PLPP4: variants seen among roughly 807,000 people sequenced by gnomAD.
PLPP4 encodes diacylglycerol pyrophosphate like 2.
Under a neutral mutation model 32.2 loss-of-function variants are expected in PLPP4, and 20 were observed. The observed-to-expected ratio is 0.62, with a 90% CI of 0.44 to 0.90. PLPP4 has a LOEUF of 0.90. Ranked by LOEUF, PLPP4 falls within the 40% of genes least tolerant of loss-of-function variation. The probability of loss-of-function intolerance (pLI) is 0.00; values close to 1 mark genes in which losing one functional copy is unlikely to be tolerated. For missense variants in PLPP4, 257 were observed against 353.1 expected, an observed-to-expected ratio of 0.73 and a Z score of 2.18; for synonymous variants, 127 against 133.0, an observed-to-expected ratio of 0.95 and a Z score of 0.31.
At chr10:120,487,018 A>G (rs1380492274) in intron 1 of PLPP4, among the ~76,000 whole-genome samples, 4 of 152,276 alleles carry the variant, frequency 2.6e-5, no homozygotes, top group Non-Finnish European at 4.4e-5. Flanking sequence ...CATGCAAGTA[A>G]TTGCAGAATG....
At position 120,532,501 on chromosome 10, in the gene PLPP4, T is replaced by C. The variant is rs1589831998; in HGVS notation, c.445+11406T>C. Among the ~76,000 whole-genome samples, 3 of 152,292 alleles carry C rather than the reference T, an allele frequency of 2.0e-5. No individual in the cohort carries two copies. In the South Asian group the frequency reaches 6.2e-4, roughly 32 times the overall value. On this transcript the variant is annotated intron_variant, in intron 5 of 6. Coordinates refer to ENST00000398250, the MANE Select transcript of PLPP4 (RefSeq NM_001030059.3). ...CAATTCACCCATTTAAAATGGTTTA[T>C]GGTATATGTTTTTAGTATATTGTCT... is the stretch of plus-strand genomic sequence containing the variant.
rs561259148 is a variant in PLPP4, at chr10:120,590,504, A to G, written c.*1002A>G. Among the ~76,000 whole-genome samples the G allele has an allele frequency of 1.2e-4, 18 of 152,342 alleles. No individual in the cohort carries two copies. In the East Asian group the frequency reaches 3.3e-3, roughly 28 times the overall value. ...CCTATCTAGCTGGCAATATTTCAGC[A>G]TGATAGGACTCTGGTAGAAGGTACA... On this transcript the variant is annotated 3_prime_UTR_variant, in exon 7 of 7. Coordinates refer to ENST00000398250, the MANE Select transcript of PLPP4 (RefSeq NM_001030059.3).
At chr10:120,511,956 T>C (rs970705527) in intron 2 of PLPP4, among the ~76,000 whole-genome samples, 2 of 151,918 alleles carry the variant, frequency 1.3e-5, no homozygotes, top group African/African-American at 4.8e-5. Flanking sequence ...TAGCCGGGCG[T>C]GGTGGCGGGC....
At chr10:120,559,035 T>C (rs1043053312) in intron 5 of PLPP4, among the ~76,000 whole-genome samples, 2 of 152,184 alleles carry the variant, frequency 1.3e-5, no homozygotes, top group Non-Finnish European at 2.9e-5. Context: ...GAATTTAGTT[T>C]TTGCTTGTCT....
At position 120,590,361 on chromosome 10, in the gene PLPP4, T is replaced by TTCA. The variant is rs1227402042; in HGVS notation, c.*859_*860insTCA. Among the ~76,000 whole-genome samples, 168 of 152,182 alleles carry TTCA rather than the reference T, an allele frequency of 1.1e-3. No individual in the cohort carries two copies. Among genetic ancestry groups the TTCA allele is most frequent in the Non-Finnish European group, 1.6e-3 (112 of 68,000 alleles). ...ATGCCTGGGGCTCATCTCAAGGGAG[T>TTCA]GGCTGAGTGGCCATTGGGGATAAGA... On this transcript the variant is annotated 3_prime_UTR_variant, in exon 7 of 7. Coordinates refer to ENST00000398250, the MANE Select transcript of PLPP4 (RefSeq NM_001030059.3).
chr10:120,560,019 G>A (rs34307123), intron 5 of PLPP4, among the ~76,000 whole-genome samples: 31,443 of 152,154 alleles, frequency 0.21, 3,811 homozygotes, highest in Non-Finnish European at 0.27. Flanking sequence ...CTAAAACACC[G>A]TGTGGCGCTG....
At chr10:120,466,330 A>C (rs909243271) in intron 1 of PLPP4, among the ~76,000 whole-genome samples, 1 of 152,120 alleles carries the variant, frequency 6.6e-6, no homozygotes, top group African/African-American at 2.4e-5. Context: ...ACCAAAAACC[A>C]ATAGCAGCAT....
chr10:120,495,949 G>T (rs1016421779), intron 1 of PLPP4, among the ~76,000 whole-genome samples: 1 of 152,182 alleles, frequency 6.6e-6, no homozygotes, highest in African/African-American at 2.4e-5. Flanking sequence ...CATCCTGGGG[G>T]ACGGGAGGAA....
chr10:120,464,804 T>G (rs1358015864), intron 1 of PLPP4, among the ~76,000 whole-genome samples: 1 of 151,936 alleles, frequency 6.6e-6, no homozygotes, highest in African/African-American at 2.4e-5. Flanking sequence ...ATCCAGGGAG[T>G]GCTTTTCATC....
At chr10:120,588,817 G>T (rs1849883138) in intron 6 of PLPP4, among the ~76,000 whole-genome samples, 1 of 152,192 alleles carries the variant, frequency 6.6e-6, no homozygotes, top group Non-Finnish European at 1.5e-5. Flanking sequence ...AGGCCGAGGT[G>T]TGCAGATCAC....
intron 1 of PLPP4, among the ~76,000 whole-genome samples, chr10:120,495,951 C>T (rs555362662): frequency 1.4e-4 from 21 of 152,172 alleles, no homozygotes; most frequent in Admixed American, 1.1e-3. Flanking sequence ...TCCTGGGGGA[C>T]GGGAGGAAGA....
At position 120,521,106 on chromosome 10, in the gene PLPP4, G is replaced by A. The variant is rs1462725276; in HGVS notation, c.445+11G>A. 3.1e-6 allele frequency: 5 copies of A among 1,613,748 alleles called. No individual in the cohort carries two copies. Among genetic ancestry groups the A allele is most frequent in the African/African-American group, 1.3e-5 (1 of 75,002 alleles). On this transcript the variant is annotated intron_variant, in intron 5 of 6. Transcript: ENST00000398250. Reference sequence around the variant, plus strand: ...GCATCCATTCCTCCTGTAAGTTCATGGCTGGGATTCTCTTAATGCCCCCAG... The same window carrying A: ...GCATCCATTCCTCCTGTAAGTTCATAGCTGGGATTCTCTTAATGCCCCCAG...
intron 2 of PLPP4, among the ~76,000 whole-genome samples, chr10:120,508,380 A>G (rs184443829): frequency 6.6e-6 from 1 of 152,306 alleles, no homozygotes; most frequent in East Asian, 1.9e-4. Flanking sequence ...TTCTGTCAAA[A>G]GCCAGAAATG....
intron 1 of PLPP4, among the ~76,000 whole-genome samples, chr10:120,493,208 G>A (rs780731447): frequency 4.6e-5 from 7 of 152,084 alleles, no homozygotes; most frequent in Non-Finnish European, 7.4e-5. Context: ...TTGTCTCTTC[G>A]GGCTCTTGTA....
Position 120,577,418 on chromosome 10 carries a change from G to A in PLPP4, c.616+2117G>A, listed in dbSNP as rs1347023931. ...TGTTCCTCATTTCCTAGCTGTGGTA[G>A]TGTAACATGGCCAGAGTAAAGGAAT... is the stretch of plus-strand genomic sequence containing the variant. On this transcript the variant is annotated intron_variant, in intron 6 of 6. Coordinates refer to ENST00000398250, the MANE Select transcript of PLPP4 (RefSeq NM_001030059.3). Among the ~76,000 whole-genome samples the A allele has an allele frequency of 4.6e-5, 7 of 152,184 alleles. No homozygotes were observed. The East Asian group carries it at 1.3e-3, about 29-fold the overall frequency.
intron 5 of PLPP4, among the ~76,000 whole-genome samples, chr10:120,566,212 T>C (rs1177405323): frequency 6.6e-6 from 1 of 152,202 alleles, no homozygotes; most frequent in African/African-American, 2.4e-5. Flanking sequence ...TATGATGTCC[T>C]AAATCTTTGT....
At chr10:120,528,078 T>G (rs1209186958) in intron 5 of PLPP4, among the ~76,000 whole-genome samples, 2 of 139,696 alleles carry the variant, frequency 1.4e-5, no homozygotes, top group Admixed American at 7.1e-5. Context: ...CGTTTTTTTT[T>G]TTTTTTTTTT....
chr10:120,475,972 C>A (rs1371721956), intron 1 of PLPP4, among the ~76,000 whole-genome samples: 1 of 152,236 alleles, frequency 6.6e-6, no homozygotes, highest in Non-Finnish European at 1.5e-5. Flanking sequence ...TCCACTCCTG[C>A]AGGCTCGGAC....
intron 4 of PLPP4, among the ~76,000 whole-genome samples, chr10:120,519,732 G>A (rs1347048204): frequency 6.6e-6 from 1 of 152,160 alleles, no homozygotes; most frequent in Non-Finnish European, 1.5e-5. Flanking sequence ...TACTGGAGTT[G>A]CAGAGCTGAA....
Sources: gnomAD v4.1 joint callset for allele counts (sites outside exome capture counted in the v4.1 genomes callset) on GRCh38, gnomAD v4.1.1 for gene constraint, MANE v1.5 for transcripts, NCBI Gene and HGNC (gene_info 2026-07-23, HGNC 2026-07-21) for gene names.